Variants in CAMSAP2 observed in about 807,000 individuals in gnomAD.
The protein encoded by CAMSAP2 is calmodulin-regulated spectrin-associated protein 2.
In CAMSAP2, 26 loss-of-function variants were observed where a neutral mutation model predicts 146.1. That is an observed-to-expected ratio of 0.18 (90% CI 0.13 to 0.25). The LOEUF (loss-of-function observed/expected upper bound fraction) is 0.25, where lower values mean the gene tolerates loss of function less well. CAMSAP2 is among the 10% of genes least tolerant of loss of function. CAMSAP2 has a pLI of 1.00. For synonymous variants in CAMSAP2, 499 were observed against 596.6 expected (o/e 0.84, Z 2.38); for missense variants, 1,381 against 1,759.3 (o/e 0.78, Z 3.85).
chr1:200,783,661 A>AT (rs1218681580), intron 2 of CAMSAP2, among the ~76,000 whole-genome samples: 11 of 151,186 alleles, frequency 7.3e-5, no homozygotes, highest in South Asian at 4.2e-4. Flanking sequence ...TAAAAAAAAA[A>AT]TTTTTTTTTG....
chr1:200,833,758 T>A (rs995969438), intron 6 of CAMSAP2, among the ~76,000 whole-genome samples: 1 of 152,208 alleles, frequency 6.6e-6, no homozygotes, highest in Non-Finnish European at 1.5e-5. Context: ...TAACATTATG[T>A]ACTATTTAAC....
chr1:200,852,492 A>C (rs1558211232), intron 11 of CAMSAP2, 49 bp from the exon 12 acceptor site: 1 of 1,584,468 alleles, frequency 6.3e-7, no homozygotes, highest in Non-Finnish European at 8.6e-7. Flanking sequence ...GAAAATGAGA[A>C]TATTGGTACC....
At position 200,850,101 on chromosome 1, in the gene CAMSAP2, A is replaced by G. The variant is rs150711965; in HGVS notation, c.3332A>G (p.Asn1111Ser). ...CCACCCACTGCTCCAAAAAATGTTA[A>G]TCTGATTGAAGTTTCCCTCTCAGAT... ...VFPPTAPKNV[N>S]LIEVSLSDLK... is the part of the protein sequence containing the mutation. The change falls in exon 11 of 17, where the codon AAT becomes AGT. Residue 1111 changes from asparagine to serine, a missense_variant. Transcript: ENST00000358823. 1.3e-3 allele frequency: 2,115 copies of G among 1,614,112 alleles called. 3 individuals carry two copies. The highest frequency in any genetic ancestry group is 1.6e-3 in the Non-Finnish European group (1,831 of 1,179,998).
At chr1:200,844,493 A>G (rs1667410125) in intron 7 of CAMSAP2, among the ~76,000 whole-genome samples, 1 of 152,122 alleles carries the variant, frequency 6.6e-6, no homozygotes, top group Admixed American at 6.5e-5. Flanking sequence ...GGTTGCAGTG[A>G]GCTGAGATCG....
intron 7 of CAMSAP2, among the ~76,000 whole-genome samples, chr1:200,843,951 A>G (rs184580087): frequency 0.013 from 2,002 of 151,970 alleles, 19 homozygotes; most frequent in Non-Finnish European, 0.021. Context: ...GGCTCACTGC[A>G]GGCTCCATCT....
intron 7 of CAMSAP2, among the ~76,000 whole-genome samples, chr1:200,842,535 C>G (rs1431378839): frequency 6.6e-6 from 1 of 151,990 alleles, no homozygotes; most frequent in Non-Finnish European, 1.5e-5. Flanking sequence ...ATTGATTGTA[C>G]ATAATAAGAA....
intron 4 of CAMSAP2, among the ~76,000 whole-genome samples, chr1:200,824,940 G>A (rs1666867133): frequency 6.6e-6 from 1 of 152,102 alleles, no homozygotes; most frequent in Non-Finnish European, 1.5e-5. Context: ...GATCGTGCCA[G>A]TGTACTCCAG....
intron 6 of CAMSAP2, among the ~76,000 whole-genome samples, chr1:200,839,600 A>G (rs1667266436): frequency 6.6e-6 from 1 of 152,204 alleles, no homozygotes; most frequent in Non-Finnish European, 1.5e-5. Flanking sequence ...TAACTCAGGA[A>G]TGGAAAACCA....
intron 2 of CAMSAP2, among the ~76,000 whole-genome samples, chr1:200,803,732 G>T (rs1015310623): frequency 6.6e-6 from 1 of 152,224 alleles, no homozygotes; most frequent in South Asian, 2.1e-4. Flanking sequence ...AATTTGGGAA[G>T]TTAATCAGTG....
intron 2 of CAMSAP2, among the ~76,000 whole-genome samples, chr1:200,793,572 A>G (rs1213210606): frequency 2.0e-5 from 3 of 152,140 alleles, no homozygotes; most frequent in African/African-American, 7.2e-5. Flanking sequence ...CCTTGTTTGG[A>G]TATTACTGAT....
intron 4 of CAMSAP2, among the ~76,000 whole-genome samples, chr1:200,821,600 A>C (rs1478622845): frequency 6.6e-6 from 1 of 152,146 alleles, no homozygotes; most frequent in Non-Finnish European, 1.5e-5. Context: ...GCCTCCAGCG[A>C]TCCACCCGCC....
chr1:200,740,746 C>G (rs1162525475), intron 1 of CAMSAP2, among the ~76,000 whole-genome samples: 1 of 152,096 alleles, frequency 6.6e-6, no homozygotes, highest in Non-Finnish European at 1.5e-5. Flanking sequence ...TTAAACACTC[C>G]CTCCATAACC....
At chr1:200,745,657 A>G (rs1305218288) in intron 1 of CAMSAP2, among the ~76,000 whole-genome samples, 8 of 152,118 alleles carry the variant, frequency 5.3e-5, no homozygotes, top group Non-Finnish European at 1.0e-4. Flanking sequence ...TTTTTAGTAG[A>G]GATTGGGGTT....
At chr1:200,742,820 G>A (rs531848360) in intron 1 of CAMSAP2, among the ~76,000 whole-genome samples, 4 of 151,304 alleles carry the variant, frequency 2.6e-5, no homozygotes, top group African/African-American at 9.7e-5. Context: ...CTAGAAATGT[G>A]AGCATAGAAT....
chr1:200,838,435 T>C (rs1479284569), intron 6 of CAMSAP2, among the ~76,000 whole-genome samples: 1 of 152,134 alleles, frequency 6.6e-6, no homozygotes, highest in Admixed American at 6.6e-5. Context: ...ATCAGAAATA[T>C]TGTGTCAATG....
chr1:200,779,060 GAGCTGTGAGA>G (rs1665362611), intron 2 of CAMSAP2, among the ~76,000 whole-genome samples: 3 of 152,146 alleles, frequency 2.0e-5, no homozygotes, highest in Admixed American at 6.6e-5. Flanking sequence ...AGGGCTGGAG[GAGCTGTGAGA>G]AACCATGGAG....
At chr1:200,779,724 A>G (rs1665380488) in intron 2 of CAMSAP2, among the ~76,000 whole-genome samples, 1 of 152,184 alleles carries the variant, frequency 6.6e-6, no homozygotes, top group South Asian at 2.1e-4. Context: ...TTCTTGTTCT[A>G]TGAAATGCCT....
intron 2 of CAMSAP2, among the ~76,000 whole-genome samples, chr1:200,768,712 G>A (rs1344891768): frequency 1.3e-5 from 2 of 152,088 alleles, no homozygotes; most frequent in Non-Finnish European, 2.9e-5. Context: ...GGAGTGCAGT[G>A]GCGCGATCTC....
intron 1 of CAMSAP2, among the ~76,000 whole-genome samples, chr1:200,752,531 A>G (rs2102993077): frequency 6.6e-6 from 1 of 152,192 alleles, no homozygotes; most frequent in South Asian, 2.1e-4. Context: ...CACAGCCCGT[A>G]TTCAGATTTG....
Sources: gnomAD v4.1 joint callset for allele counts (sites outside exome capture counted in the v4.1 genomes callset) on GRCh38, gnomAD v4.1.1 for gene constraint, MANE v1.5 for transcripts, NCBI Gene and HGNC (gene_info 2026-07-23, HGNC 2026-07-21) for gene names.